ZNF385B: variants seen among roughly 807,000 people sequenced by gnomAD.
ZNF385B encodes the protein zinc finger protein 385B, also known as zinc finger protein 533.
Under a neutral mutation model 39.2 loss-of-function variants are expected in ZNF385B, and 23 were observed. The observed-to-expected ratio is 0.59, with a 90% confidence interval of 0.42 to 0.83. The LOEUF (loss-of-function observed/expected upper bound fraction) is 0.83. Among genes scored for constraint, ZNF385B ranks in the 40% least tolerant of loss-of-function variants. ZNF385B has a pLI of 0.00. For synonymous variants in ZNF385B, 205 were observed against 222.6 expected, an observed-to-expected ratio of 0.92 and a Z score of 0.70; for missense variants, 552 against 598.9, an observed-to-expected ratio of 0.92 and a Z score of 0.82.
At chr2:179,682,016 C>T (rs552299670) in intron 3 of ZNF385B, among the ~76,000 whole-genome samples, 1 of 152,240 alleles carries the variant, frequency 6.6e-6, no homozygotes, top group South Asian at 2.1e-4. Context: ...ATACTCAAAT[C>T]GTGTCCTCAA....
At chr2:179,540,243 T>C (rs1248710918) in intron 4 of ZNF385B, among the ~76,000 whole-genome samples, 1 of 152,120 alleles carries the variant, frequency 6.6e-6, no homozygotes, top group Non-Finnish European at 1.5e-5. Flanking sequence ...GGTTGGGAGT[T>C]GGAGACCAGC....
intron 1 of ZNF385B, among the ~76,000 whole-genome samples, chr2:179,854,458 G>C (rs1430329696): frequency 6.7e-6 from 1 of 149,162 alleles, no homozygotes; most frequent in African/African-American, 2.4e-5. Flanking sequence ...CCTATTATTA[G>C]GCTGCCATAA....
chr2:179,846,553 A>T (rs1329192402), intron 1 of ZNF385B, among the ~76,000 whole-genome samples: 1 of 152,184 alleles, frequency 6.6e-6, no homozygotes, highest in African/African-American at 2.4e-5. Context: ...TCACATACCA[A>T]GTCCAGAAAG....
At chr2:179,820,549 T>C (rs1707340836) in intron 1 of ZNF385B, among the ~76,000 whole-genome samples, 4 of 152,002 alleles carry the variant, frequency 2.6e-5, no homozygotes, top group Admixed American at 2.6e-4. Flanking sequence ...TTACTTTGTT[T>C]CAGGATTTTT....
chr2:179,701,990 A>AAT (rs1474296699), intron 3 of ZNF385B, among the ~76,000 whole-genome samples: 3 of 152,226 alleles, frequency 2.0e-5, no homozygotes, highest in Non-Finnish European at 2.9e-5. Flanking sequence ...AAAGCAGACA[A>AAT]ATACCCGTTG....
chr2:179,497,819 A>G (rs2056384854), intron 5 of ZNF385B, among the ~76,000 whole-genome samples: 1 of 152,134 alleles, frequency 6.6e-6, no homozygotes, highest in African/African-American at 2.4e-5. Context: ...CTGCCTACAA[A>G]AAACACACTT....
intron 5 of ZNF385B, among the ~76,000 whole-genome samples, chr2:179,495,797 G>T (rs1424712770): frequency 2.0e-5 from 3 of 152,178 alleles, no homozygotes; most frequent in African/African-American, 7.2e-5. Context: ...GCGTTATAGG[G>T]ATTGGGGTGC....
intron 3 of ZNF385B, among the ~76,000 whole-genome samples, chr2:179,601,341 G>T (rs1346179727): frequency 6.6e-6 from 1 of 152,110 alleles, no homozygotes; most frequent in Non-Finnish European, 1.5e-5. Context: ...AAGCAATAAT[G>T]AAATATTCAT....
chr2:179,851,913 T>C (rs1487383968), intron 1 of ZNF385B, among the ~76,000 whole-genome samples: 1 of 152,240 alleles, frequency 6.6e-6, no homozygotes, highest in African/African-American at 2.4e-5. Flanking sequence ...AGACTACCTT[T>C]GACCCATGCC....
intron 3 of ZNF385B, among the ~76,000 whole-genome samples, chr2:179,761,316 T>G (rs866597971): frequency 6.6e-6 from 1 of 152,158 alleles, no homozygotes; most frequent in African/African-American, 2.4e-5. Context: ...TGCATGAAAA[T>G]TATAGATCAG....
intron 1 of ZNF385B, among the ~76,000 whole-genome samples, chr2:179,837,504 T>C (rs1242548530): frequency 6.6e-6 from 1 of 152,162 alleles, no homozygotes; most frequent in Admixed American, 6.6e-5. Context: ...AATTCACTTG[T>C]CAAAAGGAAA....
intron 3 of ZNF385B, among the ~76,000 whole-genome samples, chr2:179,564,128 T>C (rs1684270575): frequency 6.6e-6 from 1 of 152,118 alleles, no homozygotes; most frequent in Non-Finnish European, 1.5e-5. Flanking sequence ...GAGGCCTCAC[T>C]CCAGATCTAC....
intron 4 of ZNF385B, among the ~76,000 whole-genome samples, chr2:179,535,047 G>T (rs56285553): frequency 0.069 from 10,427 of 152,168 alleles, 481 homozygotes; most frequent in African/African-American, 0.14. Context: ...AATGGCAATG[G>T]ACCATCTTAT....
intron 3 of ZNF385B, among the ~76,000 whole-genome samples, chr2:179,719,273 G>C (rs1042499195): frequency 1.3e-5 from 2 of 152,028 alleles, no homozygotes; most frequent in Admixed American, 1.3e-4. Flanking sequence ...TGCATGAGCC[G>C]ACCAAGCTGG....
intron 3 of ZNF385B, among the ~76,000 whole-genome samples, chr2:179,730,221 T>G (rs1469408215): frequency 6.6e-6 from 1 of 152,232 alleles, no homozygotes; most frequent in Non-Finnish European, 1.5e-5. Context: ...GGGTCCTGGC[T>G]TAATCATTAA....
At chr2:179,800,610 C>A (rs929779226) in intron 1 of ZNF385B, among the ~76,000 whole-genome samples, 1 of 152,032 alleles carries the variant, frequency 6.6e-6, no homozygotes, top group Non-Finnish European at 1.5e-5. Context: ...TTAAATCTTG[C>A]ATGCTGCCAA....
chr2:179,579,690 C>T (rs146035738), intron 3 of ZNF385B, among the ~76,000 whole-genome samples: 3 of 151,968 alleles, frequency 2.0e-5, no homozygotes, highest in East Asian at 3.9e-4. Flanking sequence ...AACACTTTAT[C>T]CTAAAGTCCA....
intron 3 of ZNF385B, among the ~76,000 whole-genome samples, chr2:179,567,424 T>C (rs1367481352): frequency 6.6e-6 from 1 of 152,206 alleles, no homozygotes; most frequent in African/African-American, 2.4e-5. Context: ...GTGGGGTCAC[T>C]GGTCCTAAAG....
intron 3 of ZNF385B, among the ~76,000 whole-genome samples, chr2:179,620,566 T>G (rs1316231546): frequency 6.6e-6 from 1 of 152,094 alleles, no homozygotes; most frequent in South Asian, 2.1e-4. Flanking sequence ...CTAGTATCAG[T>G]TCCATGTATT....
Sources: gnomAD v4.1 joint callset for allele counts (sites outside exome capture counted in the v4.1 genomes callset) on GRCh38, gnomAD v4.1.1 for gene constraint, MANE v1.5 for transcripts, NCBI Gene and HGNC (gene_info 2026-07-23, HGNC 2026-07-21) for gene names.